The following CPS1 variants were observed in gnomAD, a reference collection of about 807,000 sequenced individuals.
CPS1 encodes the protein carbamoyl-phosphate synthase 1, also known as carbamoyl-phosphate synthase [ammonia], mitochondrial.
CPS1 carries 109 observed loss-of-function variants against 174.6 expected under a neutral mutation model. The observed-to-expected ratio is 0.62, with a 90% CI of 0.53 to 0.73. CPS1 has a LOEUF of 0.73. CPS1 is among the 30% of genes least tolerant of loss of function. CPS1 has a pLI of 0.00. For synonymous variants in CPS1, 637 were observed against 632.0 expected, an observed-to-expected ratio of 1.01 and a Z score of -0.12; for missense variants, 1,689 against 1,821.9, an observed-to-expected ratio of 0.93 and a Z score of 1.33.
chr2:210,479,890 C>G (rs1457345854), intron 1 of CPS1, among the ~76,000 whole-genome samples: 1 of 152,118 alleles, frequency 6.6e-6, no homozygotes, highest in African/African-American at 2.4e-5. Context: ...ATTATTGCCT[C>G]TAAAACTGAA....
At chr2:210,482,073 AG>A (rs1694584332) in intron 1 of CPS1, among the ~76,000 whole-genome samples, 1 of 152,214 alleles carries the variant, frequency 6.6e-6, no homozygotes, top group African/African-American at 2.4e-5. Context: ...TAGCTGAGAA[AG>A]GGAGGATGAA....
At chr2:210,562,024 A>G (rs1697118087) in intron 1 of CPS1, among the ~76,000 whole-genome samples, 1 of 152,202 alleles carries the variant, frequency 6.6e-6, no homozygotes, top group African/African-American at 2.4e-5. Flanking sequence ...AGTAAAAATT[A>G]GCTTATGATA....
At chr2:210,639,056 T>TC (rs1283101917) in intron 22 of CPS1, 94 bp from the exon 23 acceptor site, 1 of 896,426 alleles carries the variant, frequency 1.1e-6, no homozygotes, top group Admixed American at 2.0e-5. Flanking sequence ...GTAATAGGAA[T>TC]TAAAGGAATA....
chr2:210,491,829 T>C (rs1421536023), intron 1 of CPS1, among the ~76,000 whole-genome samples: 1 of 152,210 alleles, frequency 6.6e-6, no homozygotes, highest in Non-Finnish European at 1.5e-5. Flanking sequence ...AGCTGGAACA[T>C]AGGCCTTCCC....
intron 21 of CPS1, among the ~76,000 whole-genome samples, chr2:210,620,592 T>TCTTA (rs1699479445): frequency 6.6e-6 from 1 of 151,946 alleles, no homozygotes; most frequent in Non-Finnish European, 1.5e-5. Context: ...GCCTCAGAAA[T>TCTTA]CTTACAATCA....
In CPS1 at chr2:210,594,491, G is replaced by A. The variant is rs2106116257; in HGVS notation, c.1165-17G>A. ...GAATTTTGAAGCTTCTAACTAGTTG[G>A]TTGTATTTTTTTCTAGTACCTGTTT... On this transcript the variant is annotated splice_polypyrimidine_tract_variant and intron_variant, in intron 11 of 37. Transcript: ENST00000233072. 1 of 1,566,216 alleles carries A rather than the reference G, an allele frequency of 6.4e-7. No individual in the cohort carries two copies. The highest frequency in any genetic ancestry group is 8.8e-7 in the Non-Finnish European group (1 of 1,138,182).
Position 210,616,426 on chromosome 2 carries a change from A to G in CPS1, c.2572A>G (p.Ile858Val), listed in dbSNP as rs773246828. 1.2e-6 allele frequency: 2 copies of G among 1,606,924 alleles called. No individual in the cohort carries two copies. The highest frequency in any genetic ancestry group is 1.7e-6 in the Non-Finnish European group (2 of 1,173,956). ...STRIYAIAKA[I>V]DDNMSLDEIE... ...GTATCTCTTCTCCTCTTGGCAGGCCATTGATGACAACATGTCCCTTGATGA... is the reference window on the plus strand; with the variant it reads ...GTATCTCTTCTCCTCTTGGCAGGCCGTTGATGACAACATGTCCCTTGATGA... Residue 858 changes from isoleucine to valine, a missense_variant, in exon 21 of 38, where the codon ATT becomes GTT. Transcript: ENST00000233072.
intron 1 of CPS1, among the ~76,000 whole-genome samples, chr2:210,565,059 G>T (rs1697257116): frequency 6.6e-6 from 1 of 151,394 alleles, no homozygotes; most frequent in Non-Finnish European, 1.5e-5. Flanking sequence ...TGAGAATGGA[G>T]ATCATATAGC....
intron 4 of CPS1, 49 bp downstream of exon 4, chr2:210,577,559 G>A (rs1697755419): frequency 7.3e-7 from 1 of 1,370,870 alleles, no homozygotes; most frequent in African/African-American, 1.4e-5. Flanking sequence ...AGGTTGAGAA[G>A]GTGCCTGTAG....
intron 21 of CPS1, among the ~76,000 whole-genome samples, chr2:210,634,771 C>G (rs1013506317): frequency 1.3e-5 from 2 of 152,144 alleles, no homozygotes; most frequent in African/African-American, 4.8e-5. Context: ...TGATACAGAG[C>G]ACGTACTCAC....
rs762295363 is a variant in CPS1, at chr2:210,639,158, A to T, written c.2838A>T (p.Thr946=). 2.5e-6 allele frequency: 4 copies of T among 1,612,058 alleles called. No homozygotes were observed. In the South Asian group the frequency reaches 4.4e-5, roughly 18 times the overall value. The change falls in exon 23 of 38, where the codon ACA becomes ACT. Residue 946 remains threonine (T), a synonymous_variant. Coordinates refer to ENST00000233072, the MANE Select transcript of CPS1 (RefSeq NM_001875.5). The stretch of plus-strand genomic sequence containing the variant: ...TTTGTTTTCTCTTACAGATTGATAC[A>T]CTGGCTGCAGAATACCCATCAGTAA... ...NIHPWVKQID[T]LAAEYPSVTN...
intron 17 of CPS1, among the ~76,000 whole-genome samples, chr2:210,605,934 A>G (rs1399113193): frequency 1.3e-5 from 2 of 151,846 alleles, no homozygotes; most frequent in African/African-American, 4.8e-5. Flanking sequence ...AAGAGGAAGT[A>G]TTACTGTTGA....
intron 1 of CPS1, among the ~76,000 whole-genome samples, chr2:210,486,851 C>T (rs1203393355): frequency 6.6e-6 from 1 of 152,026 alleles, no homozygotes; most frequent in Non-Finnish European, 1.5e-5. Flanking sequence ...CTCCTTTGCT[C>T]AATCTGCCTT....
intron 1 of CPS1, among the ~76,000 whole-genome samples, chr2:210,572,195 A>G (rs148163284): frequency 3.3e-3 from 497 of 152,064 alleles, no homozygotes; most frequent in African/African-American, 0.012. Flanking sequence ...TGAATATTAC[A>G]GTGTATATCT....
intron 34 of CPS1, chr2:210,673,420 C>T (rs1253175050): frequency 1.3e-5 from 2 of 152,302 alleles, no homozygotes; most frequent in East Asian, 3.9e-4. Context: ...GGTCAGGAAT[C>T]CAGGGAAGGT....
chr2:210,583,012 AC>A (rs1697979597), intron 6 of CPS1, among the ~76,000 whole-genome samples: 1 of 152,108 alleles, frequency 6.6e-6, no homozygotes, highest in African/African-American at 2.4e-5. Flanking sequence ...TAAAGGAAGC[AC>A]TGAATTGCCA....
rs183163602 is a variant in CPS1 at position 210,633,191 on chromosome 2, G to C, written c.2688-4511G>C. Among the ~76,000 whole-genome samples, 64 of 151,988 alleles carry C rather than the reference G, an allele frequency of 4.2e-4. 1 individual carries two copies. The highest frequency in any genetic ancestry group is 1.5e-3 in the African/African-American group (64 of 41,480). On this transcript the variant is annotated intron_variant, in intron 21 of 37. Coordinates refer to ENST00000233072, the MANE Select transcript of CPS1 (RefSeq NM_001875.5). ...TTCTCAGACATTTTCTTTAAATTATGAAAACTCTCTGGTGTGGGAAATGCT... is the reference window on the plus strand; with the variant it reads ...TTCTCAGACATTTTCTTTAAATTATCAAAACTCTCTGGTGTGGGAAATGCT...
At chr2:210,660,707 A>G in intron 32 of CPS1, 52 bp downstream of exon 32, 1 of 1,538,200 alleles carries the variant, frequency 6.5e-7, no homozygotes, top group East Asian at 2.2e-5. Flanking sequence ...GTGAAATTAA[A>G]AGAACAATTT....
intron 28 of CPS1, among the ~76,000 whole-genome samples, chr2:210,651,005 C>T (rs1238106271): frequency 6.6e-6 from 1 of 152,200 alleles, no homozygotes; most frequent in Non-Finnish European, 1.5e-5. Context: ...CCACCTTCCT[C>T]CACTGCCCCC....
Sources: allele counts gnomAD v4.1 joint callset (sites outside exome capture counted in the v4.1 genomes callset), GRCh38; gene constraint gnomAD v4.1.1; transcripts MANE v1.5; gene names NCBI Gene and HGNC (gene_info 2026-07-23, HGNC 2026-07-21).